Variants in CHST9 observed in about 807,000 individuals in gnomAD.
The protein encoded by CHST9 is GalNAc-4-sulfotransferase 2.
In CHST9, 41 loss-of-function variants were observed where a neutral mutation model predicts 44.4. The observed-to-expected ratio is 0.92, with a 90% CI of 0.72 to 1.20. The LOEUF is 1.20. CHST9 is among the 50% of genes most tolerant of loss of function. The pLI is 0.00. For missense variants in CHST9, 504 were observed against 516.5 expected (o/e 0.98, Z 0.23); for synonymous variants, 171 against 178.4 (o/e 0.96, Z 0.33).
At chr18:27,055,714 A>T (rs2057646863) in intron 2 of CHST9, among the ~76,000 whole-genome samples, 1 of 152,202 alleles carries the variant, frequency 6.6e-6, no homozygotes, top group Non-Finnish European at 1.5e-5. Context: ...ATTGGTTGTC[A>T]TGAGAGAATA....
intron 2 of CHST9, among the ~76,000 whole-genome samples, chr18:27,053,198 G>GAAGA (rs2057597818): frequency 1.1e-5 from 1 of 89,118 alleles, no homozygotes; most frequent in Admixed American, 1.2e-4. Context: ...GAAGAAGAAA[G>GAAGA]AACAAGAAGA....
intron 5 of CHST9, chr18:26,934,926 G>A (rs2055959772): frequency 6.6e-6 from 1 of 152,158 alleles, no homozygotes; most frequent in Non-Finnish European, 1.5e-5. Flanking sequence ...CTGCTATTCT[G>A]TGCAGTGTTT....
At chr18:27,034,576 G>A (rs1412680400) in intron 3 of CHST9, among the ~76,000 whole-genome samples, 1 of 152,106 alleles carries the variant, frequency 6.6e-6, no homozygotes, top group Non-Finnish European at 1.5e-5. Flanking sequence ...TAAGCTGCAT[G>A]CTGCCACACG....
intron 2 of CHST9, among the ~76,000 whole-genome samples, chr18:27,121,957 T>G (rs1290816905): frequency 6.6e-6 from 1 of 152,244 alleles, no homozygotes; most frequent in African/African-American, 2.4e-5. Flanking sequence ...TATACTTGTC[T>G]TTTTTATGAT....
At position 26,939,743 on chromosome 18, in the gene CHST9, A is replaced by G. The variant is rs561952923; in HGVS notation, c.240+4586T>C. 1.9e-3 allele frequency among the ~76,000 whole-genome samples: 292 copies of G among 152,298 alleles called. 1 individual carries two copies. Among genetic ancestry groups the G allele is most frequent in the African/African-American group, 6.7e-3 (279 of 41,582 alleles). ...TTGCTTGGAACTTCACGGGGGAAAC[A>G]GGACGGACCCTGGACTTAGCCTGGG... On this transcript the variant is annotated intron_variant, in intron 5 of 5. Coordinates refer to ENST00000618847, the MANE Select transcript of CHST9 (RefSeq NM_031422.6).
intron 3 of CHST9, among the ~76,000 whole-genome samples, chr18:27,046,105 T>A (rs1182367724): frequency 6.7e-6 from 1 of 148,966 alleles, no homozygotes; most frequent in Non-Finnish European, 1.5e-5. Context: ...TTAACCAAAC[T>A]CTTTATGAAT....
In CHST9 at chr18:27,003,310, T is replaced by C. The variant is rs189510949; in HGVS notation, c.202+20806A>G. ...TCAGGGGAACAAGGAATCATATTCA[T>C]GATTCCCAGTCCCAGACCACCATTT... is the stretch of plus-strand genomic sequence containing the variant. On this transcript the variant is annotated intron_variant, in intron 4 of 5. Transcript: ENST00000618847. Among the ~76,000 whole-genome samples the C allele has an allele frequency of 4.5e-4, 68 of 152,264 alleles. No homozygotes were observed. In the East Asian group the frequency reaches 0.011, roughly 25 times the overall value.
chr18:26,917,378 G>T, intron 5 of CHST9, 28 bp from the exon 6 acceptor site: 2 of 1,595,856 alleles, frequency 1.3e-6, no homozygotes, highest in South Asian at 2.3e-5. Flanking sequence ...GAGAAATGTT[G>T]AAAGCACAGT....
At chr18:27,161,698 G>A (rs529522591) in intron 1 of CHST9, among the ~76,000 whole-genome samples, 1 of 152,242 alleles carries the variant, frequency 6.6e-6, no homozygotes, top group South Asian at 2.1e-4. Context: ...GTCTAATGTT[G>A]ACAGTGGGGT....
chr18:27,101,324 A>C (rs1004692674), intron 2 of CHST9, among the ~76,000 whole-genome samples: 1 of 152,050 alleles, frequency 6.6e-6, no homozygotes, highest in Non-Finnish European at 1.5e-5. Context: ...GGGCTCGGTG[A>C]CTCACGCCTG....
chr18:27,014,688 AC>A (rs1309392026), intron 4 of CHST9, among the ~76,000 whole-genome samples: 10 of 152,158 alleles, frequency 6.6e-5, no homozygotes, highest in Non-Finnish European at 5.9e-5. Flanking sequence ...CTGAAAAAAA[AC>A]ATTTAAATTG....
chr18:27,019,689 CAAAAAAAAAA>C (rs60043018), intron 4 of CHST9, among the ~76,000 whole-genome samples: 2 of 91,310 alleles, frequency 2.2e-5, no homozygotes, highest in African/African-American at 4.3e-5. Flanking sequence ...CACTACATGG[CAAAAAAAAAA>C]AAAAAAAAAA....
intron 4 of CHST9, among the ~76,000 whole-genome samples, chr18:26,965,850 A>G (rs7241244): frequency 0.021 from 3,241 of 152,286 alleles, 126 homozygotes; most frequent in African/African-American, 0.074. Flanking sequence ...TGAGGGACTC[A>G]GGAAGAAAAC....
At chr18:26,968,725 A>G (rs2056498290) in intron 4 of CHST9, among the ~76,000 whole-genome samples, 1 of 152,078 alleles carries the variant, frequency 6.6e-6, no homozygotes. Context: ...AAAATGAGCT[A>G]TTTTCTTCTA....
intron 2 of CHST9, among the ~76,000 whole-genome samples, chr18:27,124,713 G>T (rs1272186522): frequency 6.6e-6 from 1 of 152,126 alleles, no homozygotes; most frequent in Non-Finnish European, 1.5e-5. Context: ...TTGATTCAAA[G>T]CAAACCAGGA....
At chr18:26,925,107 G>C (rs1214733578) in intron 5 of CHST9, among the ~76,000 whole-genome samples, 1 of 152,002 alleles carries the variant, frequency 6.6e-6, no homozygotes, top group Non-Finnish European at 1.5e-5. Flanking sequence ...TAATGAGATG[G>C]AGAAAAAACT....
chr18:27,065,435 GA>G (rs1472466858), intron 2 of CHST9, among the ~76,000 whole-genome samples: 1 of 151,764 alleles, frequency 6.6e-6, no homozygotes, highest in Admixed American at 6.6e-5. Flanking sequence ...GCCATCTCCA[GA>G]AAAAAAATAA....
At chr18:27,005,346 T>C (rs1456632305) in intron 4 of CHST9, among the ~76,000 whole-genome samples, 4 of 152,154 alleles carry the variant, frequency 2.6e-5, no homozygotes, top group African/African-American at 9.7e-5. Flanking sequence ...GCCCAATAAT[T>C]TATAGAGGCC....
intron 2 of CHST9, among the ~76,000 whole-genome samples, chr18:27,055,242 A>T (rs1450823508): frequency 6.6e-6 from 1 of 152,192 alleles, no homozygotes; most frequent in Non-Finnish European, 1.5e-5. Flanking sequence ...TAAAAAAGGG[A>T]GGAAGAGCAT....
Sources: gnomAD v4.1 joint callset for allele counts (sites outside exome capture counted in the v4.1 genomes callset) on GRCh38, gnomAD v4.1.1 for gene constraint, MANE v1.5 for transcripts, NCBI Gene and HGNC (gene_info 2026-07-23, HGNC 2026-07-21) for gene names.